Variants in ATP6V0A1 observed in about 807,000 individuals in gnomAD.
The protein encoded by ATP6V0A1 is V-type proton ATPase 116 kDa subunit a 1.
A neutral mutation model predicts 105.4 loss-of-function variants in ATP6V0A1; 43 were observed. The ratio of observed to expected loss-of-function variants is 0.41; its 90% confidence interval spans 0.32 to 0.53. The LOEUF (loss-of-function observed/expected upper bound fraction) is 0.53, where lower values mean the gene tolerates loss of function less well. Ranked by LOEUF, ATP6V0A1 falls within the 20% of genes least tolerant of loss-of-function variation. The probability of loss-of-function intolerance (pLI) is 0.30; values close to 1 mark genes in which losing one functional copy is unlikely to be tolerated. For synonymous variants in ATP6V0A1, 362 were observed against 372.8 expected (o/e 0.97, Z 0.33); for missense variants, 676 against 1,051.1 (o/e 0.64, Z 4.93).
chr17:42,467,437 C>T (rs1461605937), intron 3 of ATP6V0A1, among the ~76,000 whole-genome samples: 1 of 152,134 alleles, frequency 6.6e-6, no homozygotes, highest in Non-Finnish European at 1.5e-5. Flanking sequence ...ATTTGGTCCC[C>T]ACTATAAAAA....
chr17:42,511,200 G>GC (rs2092329670), intron 19 of ATP6V0A1: 1 of 152,310 alleles, frequency 6.6e-6, no homozygotes, highest in Non-Finnish European at 1.5e-5. Flanking sequence ...CCAGAAAGAT[G>GC]CAAGGGCTGA....
chr17:42,496,000 AGGCAGAGG>A (rs2091127945), intron 14 of ATP6V0A1: 1 of 230,906 alleles, frequency 4.3e-6, no homozygotes, highest in African/African-American at 2.4e-5. Flanking sequence ...TGAACCTGGG[AGGCAGAGG>A]TTGCAGTGAG....
chr17:42,486,194 C>T (rs2090089826), intron 9 of ATP6V0A1, among the ~76,000 whole-genome samples: 1 of 152,054 alleles, frequency 6.6e-6, no homozygotes, highest in Non-Finnish European at 1.5e-5. Flanking sequence ...GGGTGGATCA[C>T]GATGTCAGGA....
intron 5 of ATP6V0A1, among the ~76,000 whole-genome samples, chr17:42,476,325 C>T (rs1420762932): frequency 1.3e-5 from 2 of 151,984 alleles, no homozygotes; most frequent in Non-Finnish European, 2.9e-5. Context: ...ACAGTTTTTC[C>T]CCCTTTTTGC....
chr17:42,468,208 C>T, intron 4 of ATP6V0A1, 101 bp downstream of exon 4: 1 of 664,372 alleles, frequency 1.5e-6, no homozygotes, highest in South Asian at 2.3e-5. Context: ...CTAACTTTGT[C>T]AGCATTATCT....
chr17:42,508,446 C>T (rs2092157778), intron 18 of ATP6V0A1, 126 bp from the exon 19 acceptor site: 1 of 1,223,086 alleles, frequency 8.2e-7, no homozygotes, highest in South Asian at 1.3e-5. Flanking sequence ...GGAGGCCTGC[C>T]TCCAACGTGC....
intron 14 of ATP6V0A1, among the ~76,000 whole-genome samples, chr17:42,497,473 C>G (rs1456598863): frequency 6.6e-6 from 1 of 150,758 alleles, no homozygotes; most frequent in African/African-American, 2.4e-5. Flanking sequence ...GAGTTCAAGA[C>G]CTGCCTGGCC....
Position 42,468,928 on chromosome 17 carries a change from C to T in ATP6V0A1, c.294+821C>T, listed in dbSNP as rs983363663. Among the ~76,000 whole-genome samples the T allele has an allele frequency of 1.3e-5, 2 of 152,148 alleles. 1 individual carries two copies. Among genetic ancestry groups the T allele is most frequent in the South Asian group, 4.1e-4 (2 of 4,830 alleles). ...TGACCCCATCTTGGCTCACTGCAACCCCTGCCTCCCAGGCTCAAGCAGTTC... is the reference window on the plus strand; with the variant it reads ...TGACCCCATCTTGGCTCACTGCAACTCCTGCCTCCCAGGCTCAAGCAGTTC... On this transcript the variant is annotated intron_variant, in intron 4 of 21. Transcript: ENST00000343619.
intron 2 of ATP6V0A1, among the ~76,000 whole-genome samples, chr17:42,465,756 G>A (rs2145661712): frequency 6.6e-6 from 1 of 151,870 alleles, no homozygotes; most frequent in South Asian, 2.1e-4. Flanking sequence ...CTGAGGTCAG[G>A]AGTTTGAGAC....
At chr17:42,513,808 T>A in intron 19 of ATP6V0A1, 53 bp from the exon 20 acceptor site, 1 of 1,540,098 alleles carries the variant, frequency 6.5e-7, no homozygotes, top group South Asian at 1.1e-5. Flanking sequence ...TCAGAATGCC[T>A]GCACGTTCCC....
chr17:42,468,702 A>G (rs2087442901), intron 4 of ATP6V0A1, among the ~76,000 whole-genome samples: 1 of 152,174 alleles, frequency 6.6e-6, no homozygotes, highest in African/African-American at 2.4e-5. Context: ...GTTGCTGCAA[A>G]TGACATGATT....
chr17:42,494,203 A>G lies in ATP6V0A1; in HGVS notation c.1175-131A>G, dbSNP rs2090935860. On this transcript the variant is annotated intron_variant, in intron 11 of 21. Transcript: ENST00000343619. ...GGTTGCAGTGAGCCAAGATTGAGAC[A>G]TTGCTGGCTGACAGAGCAAGACTCC... 4 of 894,388 alleles carry G rather than the reference A, an allele frequency of 4.5e-6. 1 individual carries two copies. Among genetic ancestry groups the G allele is most frequent in the Admixed American group, 5.9e-5 (2 of 34,176 alleles). The allele number at this position is 894,388 out of a possible 1,614,324, so 55.4% of individuals were successfully genotyped here. A position where few individuals can be genotyped will look rare whatever the true frequency, so the allele number is the denominator to read the frequency against.
chr17:42,463,251 T>TC (rs753819357), intron 2 of ATP6V0A1, among the ~76,000 whole-genome samples: 16 of 150,874 alleles, frequency 1.1e-4, no homozygotes, highest in East Asian at 2.0e-4. Context: ...AGGTGATCCA[T>TC]CCCCCCTCAG....
At chr17:42,498,815 G>A in intron 14 of ATP6V0A1, 109 bp from the exon 15 acceptor site, 1 of 723,580 alleles carries the variant, frequency 1.4e-6, no homozygotes. Flanking sequence ...GACAGAGCGA[G>A]ACTCGTCTCT....
At chr17:42,484,180 C>T (rs2089863304) in intron 9 of ATP6V0A1, among the ~76,000 whole-genome samples, 2 of 152,096 alleles carry the variant, frequency 1.3e-5, no homozygotes, top group Admixed American at 6.6e-5. Flanking sequence ...GCCTCAGCCT[C>T]TCGAGTAGCT....
At chr17:42,517,485 A>G (rs2092678895) in intron 21 of ATP6V0A1, among the ~76,000 whole-genome samples, 1 of 152,174 alleles carries the variant, frequency 6.6e-6, no homozygotes. Context: ...TATTTTGGCA[A>G]TAGGAGTATT....
intron 21 of ATP6V0A1, among the ~76,000 whole-genome samples, chr17:42,517,667 G>A (rs978753695): frequency 5.3e-5 from 8 of 152,170 alleles, no homozygotes; most frequent in Non-Finnish European, 1.0e-4. Context: ...GTGCGTCCAG[G>A]ATGCCTGGAT....
chr17:42,512,716 C>T (rs1296655797), intron 19 of ATP6V0A1, among the ~76,000 whole-genome samples: 1 of 152,206 alleles, frequency 6.6e-6, no homozygotes, highest in Non-Finnish European at 1.5e-5. Flanking sequence ...GCCACTTTCT[C>T]CCATCCCCAT....
At chr17:42,489,076 GTT>G (rs1386695864) in intron 10 of ATP6V0A1, among the ~76,000 whole-genome samples, 1 of 137,952 alleles carries the variant, frequency 7.2e-6, no homozygotes, top group Non-Finnish European at 1.6e-5. Context: ...TTGTTTTTTG[GTT>G]TTTTTTTTTT....
Sources: allele counts gnomAD v4.1 joint callset (sites outside exome capture counted in the v4.1 genomes callset), GRCh38; gene constraint gnomAD v4.1.1; transcripts MANE v1.5; gene names NCBI Gene and HGNC (gene_info 2026-07-23, HGNC 2026-07-21).